AFAP1L1: variants seen among roughly 807,000 people sequenced by gnomAD.
AFAP1L1 encodes actin filament-associated protein 1-like 1.
In AFAP1L1, 77 loss-of-function variants were observed where a neutral mutation model predicts 99.8. That is an observed-to-expected ratio of 0.77 (90% confidence interval 0.64 to 0.93). The LOEUF (loss-of-function observed/expected upper bound fraction) is 0.93, where lower values mean the gene tolerates loss of function less well. Among genes scored for constraint, AFAP1L1 ranks in the 40% least tolerant of loss-of-function variants. AFAP1L1 has a pLI of 0.00. For synonymous variants in AFAP1L1, 373 were observed against 395.3 expected (o/e 0.94, Z 0.67); for missense variants, 893 against 996.8 (o/e 0.90, Z 1.40).
At chr5:149,322,150 A>G (rs1289465482) in intron 14 of AFAP1L1, among the ~76,000 whole-genome samples, 1 of 152,212 alleles carries the variant, frequency 6.6e-6, no homozygotes, top group East Asian at 1.9e-4. Flanking sequence ...TAGTATTCTT[A>G]ATATTCTTCA....
chr5:149,285,827 T>A (rs1441510396), intron 1 of AFAP1L1, among the ~76,000 whole-genome samples: 1 of 152,168 alleles, frequency 6.6e-6, no homozygotes, highest in African/African-American at 2.4e-5. Context: ...AGCCCTTCTG[T>A]TCTTGGAGAC....
intron 9 of AFAP1L1, among the ~76,000 whole-genome samples, chr5:149,314,171 G>A (rs533962029): frequency 6.6e-6 from 1 of 152,356 alleles, no homozygotes; most frequent in African/African-American, 2.4e-5. Flanking sequence ...AGTGGAAGAT[G>A]GGTACTCATG....
intron 8 of AFAP1L1, among the ~76,000 whole-genome samples, chr5:149,310,375 C>T (rs944405206): frequency 6.6e-6 from 1 of 152,226 alleles, no homozygotes; most frequent in Non-Finnish European, 1.5e-5. Context: ...CAAATCCTTA[C>T]TGTGGGCTTA....
At chr5:149,274,145 C>T (rs1755232416) in intron 1 of AFAP1L1, among the ~76,000 whole-genome samples, 1 of 152,146 alleles carries the variant, frequency 6.6e-6, no homozygotes, top group Non-Finnish European at 1.5e-5. Flanking sequence ...TTATCTGACT[C>T]TTTAGTGTCG....
At chr5:149,336,454 T>A (rs1757410584) in intron 18 of AFAP1L1, among the ~76,000 whole-genome samples, 1 of 152,246 alleles carries the variant, frequency 6.6e-6, no homozygotes, top group Non-Finnish European at 1.5e-5. Flanking sequence ...CCTGGTCCAT[T>A]TTTTGCTGCT....
At position 149,319,723 on chromosome 5, in the gene AFAP1L1, T is replaced by G. The variant is rs753088820; in HGVS notation, c.1621T>G (p.Phe541Val). 4 of 1,611,844 alleles carry G rather than the reference T, an allele frequency of 2.5e-6. No homozygotes were observed. The highest frequency in any genetic ancestry group is 3.4e-6 in the Non-Finnish European group (4 of 1,179,918). The change falls in exon 13 of 19, where the codon TTC (phenylalanine) becomes GTC (valine). Residue 541 changes from phenylalanine (F) to valine (V), a missense_variant. Transcript: ENST00000296721. ...CATCGTCAGTGCTGGGCGCAACTCC[T>G]TCCTGTAAGTGTCAGCTGCACTGGC... ...TSIVSAGRNS[F>V]LYARSCQNQW...
chr5:149,332,902 C>A (rs777922546), intron 17 of AFAP1L1, 29 bp downstream of exon 17: 15 of 1,530,236 alleles, frequency 9.8e-6, no homozygotes, highest in Non-Finnish European at 1.3e-5. Context: ...ATGCCAGGGG[C>A]AGCTACTCCT....
chr5:149,281,312 C>G (rs1755513316), intron 1 of AFAP1L1, among the ~76,000 whole-genome samples: 1 of 152,196 alleles, frequency 6.6e-6, no homozygotes, highest in South Asian at 2.1e-4. Context: ...CAGAGACATT[C>G]TCCCCATTGG....
intron 5 of AFAP1L1, 54 bp from the exon 6 acceptor site, chr5:149,306,252 C>T: frequency 1.3e-6 from 2 of 1,498,338 alleles, no homozygotes; most frequent in Non-Finnish European, 1.8e-6. Context: ...CAGTCCTGGC[C>T]CCTGGAGTCT....
intron 1 of AFAP1L1, among the ~76,000 whole-genome samples, chr5:149,282,775 A>T (rs1431280294): frequency 2.0e-5 from 3 of 152,152 alleles, no homozygotes; most frequent in African/African-American, 7.2e-5. Context: ...GTCTCCCTGG[A>T]GCACTGTGGT....
chr5:149,302,970 T>C (rs947628659), intron 5 of AFAP1L1, among the ~76,000 whole-genome samples: 7 of 152,182 alleles, frequency 4.6e-5, no homozygotes, highest in Admixed American at 1.3e-4. Context: ...TATAGGTGGG[T>C]TAGGTTATCG....
chr5:149,312,435 T>A (rs1756665172), intron 9 of AFAP1L1: 2 of 572,400 alleles, frequency 3.5e-6, no homozygotes, highest in Non-Finnish European at 6.3e-6. Context: ...GAGGAGGGAG[T>A]GATGCACCCT....
Position 149,316,217 on chromosome 5 carries a change from TCA to T in AFAP1L1, c.1183_1184del (p.Thr395ProfsTer14). 6.2e-7 allele frequency: 1 copy of T among 1,613,992 alleles called. No individual in the cohort carries two copies. Among genetic ancestry groups the T allele is most frequent in the Non-Finnish European group, 8.5e-7 (1 of 1,180,000 alleles). Reference sequence around the variant, plus strand: ...ATGAGCAGGGCTGCGGGCCGCAAGATCACCCGTATCATTGGCTTCTCCAAGAA... The same window carrying T: ...ATGAGCAGGGCTGCGGGCCGCAAGATCCCGTATCATTGGCTTCTCCAAGAA... On this transcript the variant is annotated frameshift_variant, in exon 11 of 19. Coordinates refer to ENST00000296721, the MANE Select transcript of AFAP1L1 (RefSeq NM_152406.4). LOFTEE classifies it high-confidence loss of function.
At chr5:149,330,176 C>T (rs186235257) in intron 16 of AFAP1L1, among the ~76,000 whole-genome samples, 29 of 152,262 alleles carry the variant, frequency 1.9e-4, no homozygotes, top group African/African-American at 5.3e-4. Context: ...CATTTTGAAC[C>T]GCACCTTCAT....
At chr5:149,329,935 G>T (rs968967882) in intron 16 of AFAP1L1, 105 bp downstream of exon 16, 10 of 1,092,262 alleles carry the variant, frequency 9.2e-6, no homozygotes, top group African/African-American at 3.3e-5. Flanking sequence ...TTACCCAAGA[G>T]AAGTGGGCTT....
chr5:149,326,100 G>A (rs949054478), intron 15 of AFAP1L1, among the ~76,000 whole-genome samples: 4 of 152,152 alleles, frequency 2.6e-5, no homozygotes, highest in African/African-American at 7.2e-5. Context: ...GCTCTTCCTC[G>A]AAAGAACTGA....
At position 149,340,192 on chromosome 5, in the gene AFAP1L1, A is replaced by G. The variant is rs1482188398; in HGVS notation, c.*162A>G. Reference sequence around the variant, plus strand: ...TATTGTCTGCATGATTTTAGGGGATATGGGGAGGGAACAAGTAGAAGGGAA... The same window carrying G: ...TATTGTCTGCATGATTTTAGGGGATGTGGGGAGGGAACAAGTAGAAGGGAA... On this transcript the variant is annotated 3_prime_UTR_variant, in exon 19 of 19. Transcript: ENST00000296721. The G allele has an allele frequency of 1.4e-6, 1 of 696,544 alleles. No homozygotes were observed. Among genetic ancestry groups the G allele is most frequent in the Non-Finnish European group, 2.4e-6 (1 of 414,294 alleles). The allele number at this position is 696,544 out of a possible 1,614,324, so 43.1% of individuals were successfully genotyped here.
rs529948990 is a variant in AFAP1L1, at chr5:149,337,782, A to C, written c.2283+2060A>C. On this transcript the variant is annotated intron_variant, in intron 18 of 18. Coordinates refer to ENST00000296721, the MANE Select transcript of AFAP1L1 (RefSeq NM_152406.4). ...TATATACATATATATATACATATAT[A>C]TAGAAAGGGACAGAGACTGGGAGTA... is the stretch of plus-strand genomic sequence containing the variant. Among the ~76,000 whole-genome samples, 6 of 152,294 alleles carry C rather than the reference A, an allele frequency of 3.9e-5. No individual in the cohort carries two copies. In the East Asian group the frequency reaches 1.2e-3, roughly 29 times the overall value.
At chr5:149,285,359 C>G (rs1755644743) in intron 1 of AFAP1L1, among the ~76,000 whole-genome samples, 2 of 152,300 alleles carry the variant, frequency 1.3e-5, no homozygotes, top group Middle Eastern at 3.4e-3. Context: ...TGAACCCTTA[C>G]AAGCATGATT....
Sources: allele counts gnomAD v4.1 joint callset (sites outside exome capture counted in the v4.1 genomes callset), GRCh38; gene constraint gnomAD v4.1.1; transcripts MANE v1.5; gene names NCBI Gene and HGNC (gene_info 2026-07-23, HGNC 2026-07-21).